MRTFA: variants seen among roughly 807,000 people sequenced by gnomAD.
MRTFA encodes myocardin-related transcription factor A.
MRTFA carries 20 observed loss-of-function variants against 83.5 expected under a neutral mutation model. The observed-to-expected ratio is 0.24, with a 90% confidence interval of 0.17 to 0.35. MRTFA has a LOEUF of 0.35. Among genes scored for constraint, MRTFA ranks in the 10% least tolerant of loss-of-function variants. MRTFA has a pLI of 1.00. For missense variants in MRTFA, 1,200 were observed against 1,224.7 expected, an observed-to-expected ratio of 0.98 and a Z score of 0.30; for synonymous variants, 659 against 541.2, an observed-to-expected ratio of 1.22 and a Z score of -3.02.
intron 2 of MRTFA, among the ~76,000 whole-genome samples, chr22:40,573,106 G>C (rs1355862681): frequency 6.6e-6 from 1 of 152,160 alleles, no homozygotes; most frequent in East Asian, 1.9e-4. Context: ...TGGTTACCTG[G>C]TGTTAGGGAG....
chr22:40,450,704 C>A (rs868268996), intron 4 of MRTFA, among the ~76,000 whole-genome samples: 16 of 152,066 alleles, frequency 1.1e-4, no homozygotes, highest in African/African-American at 3.6e-4. Context: ...GTGATCCACC[C>A]ACCTCAATCT....
intron 3 of MRTFA, among the ~76,000 whole-genome samples, chr22:40,509,931 A>T (rs2054639312): frequency 6.9e-6 from 1 of 145,686 alleles, no homozygotes; most frequent in Non-Finnish European, 1.5e-5. Flanking sequence ...AAAAAAAATC[A>T]AAACGTATTC....
intron 3 of MRTFA, among the ~76,000 whole-genome samples, chr22:40,544,870 G>C (rs2055338941): frequency 6.6e-6 from 1 of 151,960 alleles, no homozygotes; most frequent in South Asian, 2.1e-4. Flanking sequence ...CCAGGAGATT[G>C]AGGCCGCAGT....
At chr22:40,505,008 GA>G (rs1395382557) in intron 3 of MRTFA, among the ~76,000 whole-genome samples, 1 of 152,154 alleles carries the variant, frequency 6.6e-6, no homozygotes, top group Non-Finnish European at 1.5e-5. Flanking sequence ...GCTCTTTGAG[GA>G]AAAGGATTAG....
intron 1 of MRTFA, among the ~76,000 whole-genome samples, chr22:40,614,778 C>T (rs1171269619): frequency 1.3e-5 from 2 of 152,160 alleles, no homozygotes; most frequent in Non-Finnish European, 2.9e-5. Context: ...TGAGCTGCAG[C>T]GCCTGGCCCA....
intron 4 of MRTFA, among the ~76,000 whole-genome samples, chr22:40,446,117 T>C (rs1480210277): frequency 3.3e-5 from 5 of 152,208 alleles, no homozygotes; most frequent in Admixed American, 2.0e-4. Context: ...GTGCTAAAAG[T>C]TTGAAAGGTG....
At chr22:40,598,850 G>A (rs1168695203) in intron 1 of MRTFA, among the ~76,000 whole-genome samples, 1 of 151,662 alleles carries the variant, frequency 6.6e-6, no homozygotes, top group African/African-American at 2.4e-5. Context: ...AAATAGCCAG[G>A]TGTGGCAGTG....
At chr22:40,525,062 A>T (rs1458845348) in intron 3 of MRTFA, among the ~76,000 whole-genome samples, 1 of 152,246 alleles carries the variant, frequency 6.6e-6, no homozygotes, top group East Asian at 1.9e-4. Flanking sequence ...CGCCCGCCCC[A>T]GCCTCCCAAA....
intron 4 of MRTFA, among the ~76,000 whole-genome samples, chr22:40,458,546 G>C (rs998573434): frequency 6.6e-6 from 1 of 152,196 alleles, no homozygotes; most frequent in Non-Finnish European, 1.5e-5. Context: ...ACGATGTCAG[G>C]ACTGACAGCC....
At chr22:40,562,554 CGGAAGGGAAGG>C (rs1218238929) in intron 2 of MRTFA, among the ~76,000 whole-genome samples, 1 of 118,046 alleles carries the variant, frequency 8.5e-6, no homozygotes, top group African/African-American at 3.2e-5. Context: ...GAAAGAAAAA[CGGAAGGGAAGG>C]GGAAGGGAAG....
At chr22:40,616,426 G>C (rs1411390206) in intron 1 of MRTFA, among the ~76,000 whole-genome samples, 1 of 152,216 alleles carries the variant, frequency 6.6e-6, no homozygotes, top group East Asian at 1.9e-4. Flanking sequence ...GGGAGTTAGA[G>C]AGAATGACGG....
At chr22:40,513,771 T>A (rs1304047366) in intron 3 of MRTFA, among the ~76,000 whole-genome samples, 1 of 152,002 alleles carries the variant, frequency 6.6e-6, no homozygotes, top group Non-Finnish European at 1.5e-5. Context: ...AAATATGTAG[T>A]GCTTTTAAAT....
chr22:40,531,675 T>C (rs1049539534), intron 3 of MRTFA, among the ~76,000 whole-genome samples: 1 of 152,236 alleles, frequency 6.6e-6, no homozygotes, highest in Non-Finnish European at 1.5e-5. Flanking sequence ...TATCTACTGA[T>C]AAAGCCCAAA....
At chr22:40,457,434 AAGAGAAAG>A (rs774336205) in intron 4 of MRTFA, among the ~76,000 whole-genome samples, 1 of 91,342 alleles carries the variant, frequency 1.1e-5, no homozygotes, top group Non-Finnish European at 2.2e-5. Flanking sequence ...GAAAGAAAGA[AAGAGAAAG>A]AAAGAAAGAA....
intron 2 of MRTFA, among the ~76,000 whole-genome samples, chr22:40,563,503 G>GAAAAAAA (rs55787923): frequency 3.3e-5 from 3 of 89,908 alleles, no homozygotes; most frequent in Admixed American, 2.4e-4. Flanking sequence ...CACAGATACA[G>GAAAAAAA]AAAAAAAAAA....
chr22:40,606,709 G>A (rs1323210827), intron 1 of MRTFA, among the ~76,000 whole-genome samples: 2 of 152,136 alleles, frequency 1.3e-5, no homozygotes, highest in African/African-American at 2.4e-5. Context: ...TTTTCAGAGG[G>A]AAAAAGTGCT....
chr22:40,604,576 G>A (rs998712829), intron 1 of MRTFA, among the ~76,000 whole-genome samples: 1 of 151,688 alleles, frequency 6.6e-6, no homozygotes, highest in South Asian at 2.1e-4. Context: ...GTGAAACCTC[G>A]TCTCTACTAA....
intron 1 of MRTFA, among the ~76,000 whole-genome samples, chr22:40,612,716 GGCA>G (rs2056400847): frequency 6.6e-6 from 1 of 152,172 alleles, no homozygotes; most frequent in Non-Finnish European, 1.5e-5. Context: ...GGAAGCCCAA[GGCA>G]GGAGGATCAC....
chr22:40,508,482 G>T, intron 3 of MRTFA, among the ~76,000 whole-genome samples: 1 of 141,744 alleles, frequency 7.1e-6, no homozygotes, highest in African/African-American at 2.7e-5. Context: ...AGTGCACTCC[G>T]GCCTGGGCAA....
Sources: gnomAD v4.1 joint callset for allele counts (sites outside exome capture counted in the v4.1 genomes callset) on GRCh38, gnomAD v4.1.1 for gene constraint, MANE v1.5 for transcripts, NCBI Gene and HGNC (gene_info 2026-07-23, HGNC 2026-07-21) for gene names.